NPHP3: variants seen among roughly 807,000 people sequenced by gnomAD.
NPHP3 encodes the protein nephrocystin 3.
In NPHP3, 123 loss-of-function variants were observed where a neutral mutation model predicts 171.9. That is an observed-to-expected ratio of 0.72 (90% CI 0.62 to 0.83). The LOEUF is 0.83. Ranked by LOEUF, NPHP3 falls within the 40% of genes least tolerant of loss-of-function variation. NPHP3 has a pLI of 0.00. For synonymous variants in NPHP3, 558 were observed against 579.2 expected, an observed-to-expected ratio of 0.96 and a Z score of 0.52; for missense variants, 1,506 against 1,591.9, an observed-to-expected ratio of 0.95 and a Z score of 0.92.
intron 5 of NPHP3, among the ~76,000 whole-genome samples, chr3:132,714,079 G>A (rs1009725671): frequency 2.0e-5 from 3 of 152,188 alleles, no homozygotes; most frequent in Non-Finnish European, 2.9e-5. Context: ...GATCTTTGTG[G>A]CTTATTTGGT....
intron 18 of NPHP3, among the ~76,000 whole-genome samples, 184 bp downstream of exon 18, chr3:132,691,008 C>G (rs1035108779): frequency 3.3e-5 from 5 of 152,120 alleles, no homozygotes; most frequent in African/African-American, 1.2e-4. Flanking sequence ...AAACTTTTAG[C>G]ATAATATTAA....
At chr3:132,698,133 C>A (rs905629271) in intron 13 of NPHP3, among the ~76,000 whole-genome samples, 1 of 152,134 alleles carries the variant, frequency 6.6e-6, no homozygotes, top group South Asian at 2.1e-4. Flanking sequence ...AGGCGCCCAC[C>A]ACCACGCCTG....
intron 25 of NPHP3, 66 bp downstream of exon 25, chr3:132,683,333 C>A (rs1939078077): frequency 2.2e-5 from 30 of 1,386,366 alleles, no homozygotes; most frequent in Non-Finnish European, 6.1e-6. Context: ...CTATCTAATT[C>A]ATGTTTACCT....
At chr3:132,716,631 T>A in intron 4 of NPHP3, 126 bp downstream of exon 4, 1 of 1,016,400 alleles carries the variant, frequency 9.8e-7, no homozygotes, top group Non-Finnish European at 1.5e-6. Flanking sequence ...TGATGGTTTG[T>A]CAATGGAAAG....
chr3:132,688,144 T>C (rs1289478939), intron 21 of NPHP3, among the ~76,000 whole-genome samples: 1 of 152,188 alleles, frequency 6.6e-6, no homozygotes, highest in African/African-American at 2.4e-5. Context: ...GCACCTGACC[T>C]CAAGTGATGG....
chr3:132,700,191 G>T, intron 11 of NPHP3, 130 bp from the exon 12 acceptor site: 1 of 1,236,196 alleles, frequency 8.1e-7, no homozygotes, highest in Non-Finnish European at 1.2e-6. Flanking sequence ...GGACCCGATT[G>T]TATCGAATAT....
At chr3:132,706,370 C>A (rs566711430) in intron 7 of NPHP3, among the ~76,000 whole-genome samples, 58 of 144,148 alleles carry the variant, frequency 4.0e-4, no homozygotes, top group African/African-American at 1.3e-3. Context: ...AAAAAAAAAA[C>A]AAAAAACAAA....
intron 19 of NPHP3, among the ~76,000 whole-genome samples, chr3:132,689,616 CT>C (rs1234602641): frequency 6.6e-6 from 1 of 152,178 alleles, no homozygotes; most frequent in African/African-American, 2.4e-5. Flanking sequence ...TATCTGAATC[CT>C]TTTTACACAT....
intron 3 of NPHP3, among the ~76,000 whole-genome samples, chr3:132,717,733 A>C (rs369350741): frequency 5.2e-5 from 7 of 135,004 alleles, no homozygotes; most frequent in African/African-American, 1.7e-4. Flanking sequence ...TTTCTCAGCT[A>C]CTCTTGGCCA....
At chr3:132,685,107 T>G in intron 23 of NPHP3, 2 of 310,636 alleles carry the variant, frequency 6.4e-6, no homozygotes, top group East Asian at 1.5e-4. Flanking sequence ...ATAAAAGATT[T>G]TTGTATTCAC....
Position 132,716,739 on chromosome 3 carries a change from A to T in NPHP3, c.823+18T>A. ...GTCACTACCACTAGGCAAGTAATTG[A>T]CAAACAGCATGTATTACCTCTATTA... is the stretch of plus-strand genomic sequence containing the variant. On this transcript the variant is annotated intron_variant, in intron 4 of 26. Coordinates refer to ENST00000337331, the MANE Select transcript of NPHP3 (RefSeq NM_153240.5). The T allele has an allele frequency of 6.2e-7, 1 of 1,613,204 alleles. No individual in the cohort carries two copies. The highest frequency in any genetic ancestry group is 8.5e-7 in the Non-Finnish European group (1 of 1,179,474).
Position 132,697,371 on chromosome 3 carries a change from T to A in NPHP3, c.1986-9A>T. On this transcript the variant is annotated splice_polypyrimidine_tract_variant and intron_variant, in intron 13 of 26. Coordinates refer to ENST00000337331, the MANE Select transcript of NPHP3 (RefSeq NM_153240.5). The stretch of plus-strand genomic sequence containing the variant: ...GAAGTGTAGGCCACAACCTTTTATG[T>A]AAAGAAAAGAAAAATGAAATTTTAA... 2 of 1,569,986 alleles carry A rather than the reference T, an allele frequency of 1.3e-6. No individual in the cohort carries two copies. Among genetic ancestry groups the A allele is most frequent in the Non-Finnish European group, 1.7e-6 (2 of 1,143,618 alleles).
chr3:132,688,526 A>G, intron 21 of NPHP3, 124 bp downstream of exon 21: 2 of 1,011,906 alleles, frequency 2.0e-6, no homozygotes, highest in South Asian at 2.6e-5. Context: ...TCTGTTTACC[A>G]CATGAAGACT....
rs773520877 is a variant in NPHP3, at chr3:132,704,298, T to C, written c.1424A>G (p.Asp475Gly). The C allele has an allele frequency of 7.4e-6, 12 of 1,614,186 alleles. No individual in the cohort carries two copies. The Admixed American group carries it at 2.0e-4, about 27-fold the overall frequency. Residue 475 changes from aspartate to glycine, a missense_variant, in exon 9 of 27, where the codon GAT (aspartate) becomes GGT (glycine). By Grantham distance (94) the Asp-to-Gly change is moderately conservative. Coordinates refer to ENST00000337331, the MANE Select transcript of NPHP3 (RefSeq NM_153240.5). The part of the protein sequence containing the change: ...LGSEDSIPEE[D>G]DFGDVLWDIH... ...GTCCCACAGAACATCACCAAAATCA[T>C]CTTCTTCTGGAATGGAATCCTCACT...
chr3:132,683,594 T>A, intron 24 of NPHP3, 70 bp from the exon 25 acceptor site: 1 of 1,281,814 alleles, frequency 7.8e-7, no homozygotes, highest in African/African-American at 1.5e-5. Flanking sequence ...GCTTTTTCCA[T>A]AAGTAAAATT....
chr3:132,699,944 CGAT>C lies in NPHP3; in HGVS notation c.1858_1860del (p.Ile620del). On this transcript the variant is annotated inframe_deletion, in exon 12 of 27. Transcript: ENST00000337331. ...TGAACTTGATCTATAGAATCAATAA[CGAT>C]GATGATGCTGCCTTGATGACGAGCA... 6.2e-7 allele frequency: 1 copy of C among 1,614,044 alleles called. No homozygotes were observed. Among genetic ancestry groups the C allele is most frequent in the South Asian group, 1.1e-5 (1 of 91,078 alleles).
intron 1 of NPHP3, chr3:132,721,593 G>T: frequency 2.7e-6 from 1 of 376,416 alleles, no homozygotes; most frequent in Non-Finnish European, 5.2e-6. Flanking sequence ...GCCTCCTCAG[G>T]ACACTTTCCG....
At chr3:132,683,345 T>C (rs112656398) in intron 25 of NPHP3, 54 bp downstream of exon 25, 2 of 1,503,298 alleles carry the variant, frequency 1.3e-6, no homozygotes, top group Admixed American at 1.7e-5. Flanking sequence ...TGTTTACCTA[T>C]GTTTTATACC....
intron 4 of NPHP3, 120 bp from the exon 5 acceptor site, chr3:132,715,338 T>C: frequency 1.3e-6 from 1 of 783,898 alleles, no homozygotes; most frequent in Non-Finnish European, 2.2e-6. Flanking sequence ...ATGTTAATAC[T>C]GCCATACCTT....
Sources: gnomAD v4.1 joint callset for allele counts (sites outside exome capture counted in the v4.1 genomes callset) on GRCh38, gnomAD v4.1.1 for gene constraint, MANE v1.5 for transcripts, NCBI Gene and HGNC (gene_info 2026-07-23, HGNC 2026-07-21) for gene names.